Variants in NIM1K observed in about 807,000 individuals in gnomAD.
NIM1K encodes NIM1 serine/threonine protein kinase.
Under a neutral mutation model 37.1 loss-of-function variants are expected in NIM1K, and 35 were observed. The ratio of observed to expected loss-of-function variants is 0.94; its 90% CI spans 0.72 to 1.25. NIM1K has a LOEUF of 1.25. Among genes scored for constraint, NIM1K ranks in the 50% most tolerant of loss-of-function variants. NIM1K has a pLI of 0.00. For synonymous variants in NIM1K, 234 were observed against 206.6 expected (o/e 1.13, Z -1.14); for missense variants, 564 against 548.0 (o/e 1.03, Z -0.29).
chr5:43,269,246 G>A (rs1374764455), intron 2 of NIM1K, among the ~76,000 whole-genome samples: 1 of 140,522 alleles, frequency 7.1e-6, no homozygotes, highest in Non-Finnish European at 1.5e-5. Flanking sequence ...GGAGGCAGAG[G>A]TTGCAGTGAG....
intron 2 of NIM1K, among the ~76,000 whole-genome samples, chr5:43,272,608 G>A (rs1363203723): frequency 1.3e-5 from 2 of 152,128 alleles, no homozygotes; most frequent in Non-Finnish European, 2.9e-5. Flanking sequence ...GTGTCTAGAA[G>A]GAAAGCCTCA....
chr5:43,232,082 C>T (rs1402475140), intron 1 of NIM1K: 5 of 1,028,192 alleles, frequency 4.9e-6, no homozygotes. Flanking sequence ...CCACCAGTCA[C>T]CACAGTGGGA....
At chr5:43,278,138 C>T (rs866704407) in intron 3 of NIM1K, among the ~76,000 whole-genome samples, 17 of 151,596 alleles carry the variant, frequency 1.1e-4, no homozygotes, top group Non-Finnish European at 1.5e-4. Flanking sequence ...CTCCGCCTCC[C>T]GGGTTCAAGC....
At chr5:43,200,589 T>C (rs1039248957) in intron 1 of NIM1K, among the ~76,000 whole-genome samples, 19 of 152,148 alleles carry the variant, frequency 1.2e-4, no homozygotes, top group Admixed American at 2.0e-4. Flanking sequence ...CGTGAGCCAC[T>C]GCGCCCGGCC....
rs778564029 is a variant in NIM1K, at chr5:43,245,782, G to A, written c.7G>A (p.Ala3Thr). Reference sequence around the variant, plus strand: ...ACGTGAGCCCCCGTGGACGATGACTGCAGTGTATATGAATGGAGGTGGCCT... The same window carrying A: ...ACGTGAGCCCCCGTGGACGATGACTACAGTGTATATGAATGGAGGTGGCCT... Reference protein sequence around the residue: MTAVYMNGGGLVN... With the variant: MTTVYMNGGGLVN... Residue 3 changes from alanine (A) to threonine (T), a missense_variant, in exon 2 of 4, where the codon GCA becomes ACA. Transcript: ENST00000326035. 7.5e-5 allele frequency: 119 copies of A among 1,596,518 alleles called. No homozygotes were observed. The highest frequency in any genetic ancestry group is 9.0e-5 in the Non-Finnish European group (105 of 1,169,188).
At chr5:43,229,728 C>T (rs189495073) in intron 1 of NIM1K, among the ~76,000 whole-genome samples, 1 of 150,200 alleles carries the variant, frequency 6.7e-6, no homozygotes, top group Non-Finnish European at 1.5e-5. Context: ...CTTCTGCCTC[C>T]TGAGTTCAAG....
At chr5:43,206,611 C>T (rs1326987493) in intron 1 of NIM1K, 5 of 629,868 alleles carry the variant, frequency 7.9e-6, no homozygotes, top group African/African-American at 7.3e-5. Flanking sequence ...CTAGTCCTGG[C>T]CTCCCTGGTG....
intron 2 of NIM1K, among the ~76,000 whole-genome samples, chr5:43,258,957 T>C (rs911365461): frequency 1.0e-4 from 14 of 135,688 alleles, no homozygotes; most frequent in Non-Finnish European, 1.9e-4. Flanking sequence ...CCAAAGCCCA[T>C]GCCTTTTCAT....
At chr5:43,277,774 C>A (rs909085076) in intron 3 of NIM1K, among the ~76,000 whole-genome samples, 4 of 146,306 alleles carry the variant, frequency 2.7e-5, no homozygotes, top group Non-Finnish European at 5.9e-5. Flanking sequence ...CCCACCCCCC[C>A]TCTCCGTGTG....
chr5:43,226,333 G>C (rs1752456126), intron 1 of NIM1K, among the ~76,000 whole-genome samples: 1 of 152,222 alleles, frequency 6.6e-6, no homozygotes, highest in Non-Finnish European at 1.5e-5. Flanking sequence ...GGGAAGGACA[G>C]AGGCTGTAAC....
intron 1 of NIM1K, among the ~76,000 whole-genome samples, chr5:43,218,519 A>G (rs1426587525): frequency 6.6e-6 from 1 of 152,116 alleles, no homozygotes; most frequent in African/African-American, 2.4e-5. Flanking sequence ...CCAAGGTGGC[A>G]CATGGTGAGA....
rs769089609 is a variant in NIM1K at position 43,277,097 on chromosome 5, C to T, written c.333C>T (p.Asp111=). 4 of 1,614,068 alleles carry T rather than the reference C, an allele frequency of 2.5e-6. No homozygotes were observed. The East Asian group carries it at 6.7e-5, about 27-fold the overall frequency. Reference sequence around the variant, plus strand: ...AGATCCTGGACAAGACCAAGTTAGACCAGAAAACCCAGAGGCTACTATCCC... The same window carrying T: ...AGATCCTGGACAAGACCAAGTTAGATCAGAAAACCCAGAGGCTACTATCCC... ...AIKILDKTKL[D]QKTQRLLSRE... is the part of the protein sequence containing the mutation. Residue 111 remains aspartate, a synonymous_variant, in exon 3 of 4, where the codon GAC becomes GAT. Coordinates refer to ENST00000326035, the MANE Select transcript of NIM1K (RefSeq NM_153361.4).
intron 1 of NIM1K, among the ~76,000 whole-genome samples, chr5:43,203,561 G>A (rs1443996425): frequency 6.6e-6 from 1 of 152,128 alleles, no homozygotes; most frequent in Non-Finnish European, 1.5e-5. Flanking sequence ...AGCCTACTCT[G>A]GCTTGGGAGG....
chr5:43,236,985 G>A (rs753931880), intron 1 of NIM1K, among the ~76,000 whole-genome samples: 3 of 152,212 alleles, frequency 2.0e-5, no homozygotes, highest in Admixed American at 6.5e-5. Flanking sequence ...CAAAGATGAC[G>A]CAAATGATTT....
intron 2 of NIM1K, among the ~76,000 whole-genome samples, chr5:43,249,058 T>C (rs1023204336): frequency 6.8e-6 from 1 of 147,294 alleles, no homozygotes; most frequent in Non-Finnish European, 1.5e-5. Context: ...ATTTATTTAT[T>C]TATTTATTTA....
chr5:43,218,313 CTCTG>C (rs1752332543), intron 1 of NIM1K, among the ~76,000 whole-genome samples: 2 of 152,212 alleles, frequency 1.3e-5, no homozygotes, highest in African/African-American at 4.8e-5. Flanking sequence ...GCCCGGCCTC[CTCTG>C]TCTATTTTTA....
chr5:43,207,414 A>G, intron 1 of NIM1K: 5 of 863,250 alleles, frequency 5.8e-6, no homozygotes, highest in Non-Finnish European at 1.0e-5. Context: ...GTCTTAGACA[A>G]TCTTAAAGGA....
chr5:43,272,913 C>T (rs1462169777), intron 2 of NIM1K, among the ~76,000 whole-genome samples: 1 of 152,050 alleles, frequency 6.6e-6, no homozygotes, highest in African/African-American at 2.4e-5. Flanking sequence ...ATTCACCATC[C>T]CCACTAACTC....
intron 1 of NIM1K, among the ~76,000 whole-genome samples, chr5:43,234,820 A>C (rs1579971255): frequency 1.3e-5 from 2 of 152,102 alleles, no homozygotes; most frequent in East Asian, 3.9e-4. Context: ...TTTTTGGTAG[A>C]GGCAGGGTTT....
Sources: allele counts gnomAD v4.1 joint callset (sites outside exome capture counted in the v4.1 genomes callset), GRCh38; gene constraint gnomAD v4.1.1; transcripts MANE v1.5; gene names NCBI Gene and HGNC (gene_info 2026-07-23, HGNC 2026-07-21).